CIROZ: variants seen among roughly 807,000 people sequenced by gnomAD.
The protein encoded by CIROZ is ciliated left-right organizer protein containing ZP-N domains.
At chr1:10,967,459 C>A in the CIROZ span, among the ~76,000 whole-genome samples, 1 of 152,188 alleles carries the variant, frequency 6.6e-6, no homozygotes, top group African/African-American at 2.4e-5. Flanking sequence ...ACCCTGACTA[C>A]CCTCTTAACA....
At chr1:10,956,325 G>T in the CIROZ span, among the ~76,000 whole-genome samples, 1 of 152,040 alleles carries the variant, frequency 6.6e-6, no homozygotes, top group Non-Finnish European at 1.5e-5. Flanking sequence ...CTAGATAGGG[G>T]GTCCCCACCA....
the CIROZ span, among the ~76,000 whole-genome samples, chr1:10,961,182 C>T: frequency 2.0e-5 from 3 of 152,332 alleles, no homozygotes; most frequent in East Asian, 3.9e-4. Context: ...GCAACACCGT[C>T]CCCCTAGCGG....
chr1:10,981,014 G>A, the CIROZ span, among the ~76,000 whole-genome samples: 4 of 152,206 alleles, frequency 2.6e-5, no homozygotes, highest in Admixed American at 6.5e-5. Context: ...TGCAGTCCAC[G>A]GCCCAAAGGC....
At chr1:10,953,129 G>A in the CIROZ span, among the ~76,000 whole-genome samples, 1 of 152,112 alleles carries the variant, frequency 6.6e-6, no homozygotes, top group Non-Finnish European at 1.5e-5. Context: ...GGCTAGCTGT[G>A]GTAGGCAGTC....
At chr1:10,951,080 C>T in the CIROZ span, among the ~76,000 whole-genome samples, 1 of 152,130 alleles carries the variant, frequency 6.6e-6, no homozygotes, top group East Asian at 1.9e-4. Flanking sequence ...CCCACTGTCC[C>T]GCCGCTGACA....
chr1:10,976,144 T>A, the CIROZ span: 2 of 1,534,174 alleles, frequency 1.3e-6, no homozygotes, highest in South Asian at 2.4e-5. Context: ...CATAAAAGTG[T>A]GATTGATTCA....
chr1:10,948,417 G>A, the CIROZ span: 3 of 1,613,224 alleles, frequency 1.9e-6, no homozygotes, highest in East Asian at 2.2e-5. Flanking sequence ...GGGCTCAGGT[G>A]CAGCCACATC....
the CIROZ span, chr1:10,957,771 G>A: frequency 1.4e-5 from 22 of 1,607,170 alleles, no homozygotes; most frequent in South Asian, 2.2e-5. Flanking sequence ...AAGAGGACAC[G>A]ATCACAAACC....
chr1:10,978,172 TAAA>T, the CIROZ span, among the ~76,000 whole-genome samples: 6 of 126,810 alleles, frequency 4.7e-5, no homozygotes, highest in Admixed American at 8.0e-5. Context: ...AACTCCACAG[TAAA>T]AAAAAAAAAA....
the CIROZ span, among the ~76,000 whole-genome samples, chr1:10,969,681 G>T: frequency 6.6e-6 from 1 of 152,198 alleles, no homozygotes; most frequent in Non-Finnish European, 1.5e-5. Flanking sequence ...AAGCACGTGG[G>T]CCGTGCCCTC....
At chr1:10,961,670 G>C in the CIROZ span, among the ~76,000 whole-genome samples, 1 of 152,174 alleles carries the variant, frequency 6.6e-6, no homozygotes, top group African/African-American at 2.4e-5. Context: ...GGGGCCAGGC[G>C]CGGCAGCTCA....
the CIROZ span, among the ~76,000 whole-genome samples, chr1:10,979,111 C>T: frequency 1.8e-3 from 273 of 152,254 alleles, 1 homozygote; most frequent in African/African-American, 6.3e-3. Flanking sequence ...CGTGCCTCAG[C>T]CTCCTGAGTA....
At chr1:10,951,301 A>G in the CIROZ span, among the ~76,000 whole-genome samples, 2 of 152,080 alleles carry the variant, frequency 1.3e-5, no homozygotes, top group African/African-American at 4.8e-5. Context: ...ATGGTGGCTC[A>G]CGCCTGTAAT....
chr1:10,965,934 G>T, the CIROZ span, among the ~76,000 whole-genome samples: 1 of 152,156 alleles, frequency 6.6e-6, no homozygotes, highest in East Asian at 1.9e-4. Flanking sequence ...CTGTCAGTCA[G>T]TCTTTGCAAC....
chr1:10,955,070 G>A, the CIROZ span: 3 of 1,614,046 alleles, frequency 1.9e-6, no homozygotes, highest in South Asian at 3.3e-5. Flanking sequence ...ATGTTGGACT[G>A]GTGGACTCGG....
chr1:10,947,868 G>A, the CIROZ span: 1 of 1,609,608 alleles, frequency 6.2e-7, no homozygotes, highest in Non-Finnish European at 8.5e-7. Context: ...TTGCGTGGAT[G>A]GAGGGCTGGA....
At chr1:10,947,890 C>G in the CIROZ span, 6 of 1,612,958 alleles carry the variant, frequency 3.7e-6, no homozygotes, top group Non-Finnish European at 5.1e-6. Context: ...GTGTGTGCAA[C>G]CCCCCACTCC....
chr1:10,948,129 G>T, the CIROZ span: 1 of 1,613,578 alleles, frequency 6.2e-7, no homozygotes, highest in Non-Finnish European at 8.5e-7. Flanking sequence ...CACACTTGGG[G>T]TGGAGAATGT....
the CIROZ span, chr1:10,957,856 G>T: frequency 7.5e-7 from 1 of 1,332,440 alleles, no homozygotes; most frequent in Non-Finnish European, 1.0e-6. Context: ...AAGGCAACAG[G>T]GTCACGGGGA....
Sources: gnomAD v4.1 joint callset for allele counts (sites outside exome capture counted in the v4.1 genomes callset) on GRCh38, gnomAD v4.1.1 for gene constraint, MANE v1.5 for transcripts, NCBI Gene and HGNC (gene_info 2026-07-23, HGNC 2026-07-21) for gene names.